The following GPC6 variants were observed in gnomAD, a reference collection of about 807,000 sequenced individuals.
GPC6 encodes the protein glypican 6, also known as glypican-6.
GPC6 carries 14 observed loss-of-function variants against 55.2 expected under a neutral mutation model. The ratio of observed to expected loss-of-function variants is 0.25; its 90% CI spans 0.17 to 0.40. The LOEUF is 0.40. GPC6 is among the 10% of genes least tolerant of loss of function. GPC6 has a pLI of 1.00. For missense variants in GPC6, 641 were observed against 708.5 expected, an observed-to-expected ratio of 0.90 and a Z score of 1.08; for synonymous variants, 278 against 259.6, an observed-to-expected ratio of 1.07 and a Z score of -0.68.
intron 1 of GPC6, among the ~76,000 whole-genome samples, chr13:93,405,997 A>T (rs1316479404): frequency 2.6e-5 from 4 of 151,774 alleles, no homozygotes; most frequent in Non-Finnish European, 5.9e-5. Flanking sequence ...TATTGCCTGC[A>T]GTGTTAGCAC....
intron 2 of GPC6, among the ~76,000 whole-genome samples, chr13:93,709,343 G>A (rs902506228): frequency 4.6e-5 from 7 of 151,772 alleles, no homozygotes; most frequent in Admixed American, 2.0e-4. Flanking sequence ...CTAAGTTACA[G>A]ACATTCCTTC....
chr13:94,039,940 C>T (rs1037205200), intron 4 of GPC6, among the ~76,000 whole-genome samples: 12 of 151,874 alleles, frequency 7.9e-5, no homozygotes, highest in Admixed American at 3.9e-4. Flanking sequence ...GTTAACAGTG[C>T]AAATATGAGA....
intron 2 of GPC6, among the ~76,000 whole-genome samples, chr13:93,816,382 TTTTG>T (rs1886849599): frequency 6.6e-6 from 1 of 152,170 alleles, no homozygotes; most frequent in Admixed American, 6.5e-5. Flanking sequence ...TACTTTCTTC[TTTTG>T]TTTATTAAAC....
chr13:94,240,649 A>G (rs894051157), intron 4 of GPC6, among the ~76,000 whole-genome samples: 5 of 145,596 alleles, frequency 3.4e-5, no homozygotes, highest in Admixed American at 1.4e-4. Context: ...AAAATAAAAT[A>G]AAATAAATAA....
chr13:93,394,794 T>TTTTATTTATTTATTTA (rs35986845), intron 1 of GPC6, among the ~76,000 whole-genome samples: 35 of 151,134 alleles, frequency 2.3e-4, no homozygotes, highest in African/African-American at 8.5e-4. Flanking sequence ...TATTAGGTAA[T>TTTTATTTATTTATTTA]TTTATTTATT....
chr13:93,601,116 T>A (rs1338649731), intron 2 of GPC6, among the ~76,000 whole-genome samples: 2 of 150,888 alleles, frequency 1.3e-5, no homozygotes, highest in African/African-American at 4.9e-5. Flanking sequence ...TGTTGGGGAG[T>A]GGTGGCTCAC....
At chr13:93,431,158 T>G (rs1018862229) in intron 1 of GPC6, among the ~76,000 whole-genome samples, 4 of 152,140 alleles carry the variant, frequency 2.6e-5, no homozygotes, top group East Asian at 3.8e-4. Flanking sequence ...ATCTGGAAAT[T>G]AGTATTTCTA....
intron 3 of GPC6, among the ~76,000 whole-genome samples, chr13:94,005,705 T>C (rs1295674256): frequency 6.6e-6 from 1 of 152,178 alleles, no homozygotes; most frequent in African/African-American, 2.4e-5. Context: ...TTGGCCAAAA[T>C]ATGCAGCTAC....
intron 6 of GPC6, among the ~76,000 whole-genome samples, chr13:94,379,047 C>A (rs1880032114): frequency 6.6e-6 from 1 of 151,334 alleles, no homozygotes. Flanking sequence ...CTTAAGTTTC[C>A]AGGAAAAAAA....
intron 2 of GPC6, among the ~76,000 whole-genome samples, chr13:93,570,401 C>T (rs1210439324): frequency 6.6e-6 from 1 of 152,086 alleles, no homozygotes; most frequent in Non-Finnish European, 1.5e-5. Context: ...TTCATCAATA[C>T]ATGGGAAAAC....
At chr13:93,259,207 C>G (rs1335836827) in intron 1 of GPC6, among the ~76,000 whole-genome samples, 1 of 152,060 alleles carries the variant, frequency 6.6e-6, no homozygotes, top group Non-Finnish European at 1.5e-5. Context: ...CACTTAAAGG[C>G]GAACCCATGC....
At chr13:93,339,729 G>A (rs1319892146) in intron 1 of GPC6, among the ~76,000 whole-genome samples, 4 of 152,210 alleles carry the variant, frequency 2.6e-5, no homozygotes, top group Non-Finnish European at 2.9e-5. Flanking sequence ...ACGGCTTCCC[G>A]GGCTTAAAAT....
At chr13:93,544,044 T>C (rs1882440208) in intron 1 of GPC6, among the ~76,000 whole-genome samples, 1 of 152,230 alleles carries the variant, frequency 6.6e-6, no homozygotes, top group South Asian at 2.1e-4. Flanking sequence ...TTGATTTGCA[T>C]TTCCCGGATG....
intron 4 of GPC6, among the ~76,000 whole-genome samples, chr13:94,080,961 G>A (rs932247477): frequency 1.3e-5 from 2 of 152,148 alleles, no homozygotes; most frequent in African/African-American, 4.8e-5. Context: ...TGTTCTTTTA[G>A]AGTCTTCTGA....
At chr13:94,144,746 C>G (rs1887502466) in intron 4 of GPC6, among the ~76,000 whole-genome samples, 1 of 151,946 alleles carries the variant, frequency 6.6e-6, no homozygotes, top group African/African-American at 2.4e-5. Context: ...TCAGAGTGAT[C>G]TTTGAGGATA....
At chr13:94,066,259 A>G (rs539659719) in intron 4 of GPC6, among the ~76,000 whole-genome samples, 18 of 152,282 alleles carry the variant, frequency 1.2e-4, no homozygotes, top group African/African-American at 1.7e-4. Flanking sequence ...TTATTATCCA[A>G]TTATTCACCC....
intron 4 of GPC6, among the ~76,000 whole-genome samples, chr13:94,278,042 A>G (rs529895211): frequency 6.6e-6 from 1 of 152,262 alleles, no homozygotes; most frequent in South Asian, 2.1e-4. Flanking sequence ...GGCCATTTTC[A>G]TGATATTGGT....
intron 4 of GPC6, among the ~76,000 whole-genome samples, chr13:94,169,723 T>C (rs1039079851): frequency 6.6e-6 from 1 of 152,074 alleles, no homozygotes; most frequent in Non-Finnish European, 1.5e-5. Context: ...GAGTGGTTGA[T>C]TGGGCTAAGG....
chr13:94,306,228 C>T, intron 6 of GPC6, 105 bp downstream of exon 6: 1 of 1,110,008 alleles, frequency 9.0e-7, no homozygotes, highest in Non-Finnish European at 1.4e-6. Flanking sequence ...AGAGTCATCT[C>T]ATGCTTATAT....
Sources: allele counts gnomAD v4.1 joint callset (sites outside exome capture counted in the v4.1 genomes callset), GRCh38; gene constraint gnomAD v4.1.1; transcripts MANE v1.5; gene names NCBI Gene and HGNC (gene_info 2026-07-23, HGNC 2026-07-21).